The following KCNIP1 variants were observed in gnomAD, a reference collection of about 807,000 sequenced individuals.
KCNIP1 encodes the protein potassium voltage-gated channel interacting protein 1.
In KCNIP1, 18 loss-of-function variants were observed where a neutral mutation model predicts 33.0. The observed-to-expected ratio is 0.55, with a 90% confidence interval of 0.38 to 0.81. The LOEUF is 0.81. KCNIP1 is among the 30% of genes least tolerant of loss of function. The probability of loss-of-function intolerance (pLI) is 0.00; values close to 1 mark genes in which losing one functional copy is unlikely to be tolerated. For synonymous variants in KCNIP1, 93 were observed against 98.3 expected (o/e 0.95, Z 0.32); for missense variants, 238 against 271.6 (o/e 0.88, Z 0.87).
At chr5:170,467,548 C>T (rs1467714864) in intron 1 of KCNIP1, among the ~76,000 whole-genome samples, 2 of 152,198 alleles carry the variant, frequency 1.3e-5, no homozygotes, top group African/African-American at 4.8e-5. Context: ...GCCCCATCCA[C>T]GCTCAGGTTC....
chr5:170,446,428 A>G (rs1375602933), intron 1 of KCNIP1, among the ~76,000 whole-genome samples: 1 of 138,594 alleles, frequency 7.2e-6, no homozygotes, highest in African/African-American at 2.7e-5. Flanking sequence ...AAAAAAAAAA[A>G]TCACAGTGCT....
chr5:170,448,474 GGCT>G (rs1349920915), intron 1 of KCNIP1, among the ~76,000 whole-genome samples: 3 of 152,372 alleles, frequency 2.0e-5, no homozygotes, highest in African/African-American at 7.2e-5. Flanking sequence ...TTGGAGGAGT[GGCT>G]GCTTACTCCC....
chr5:170,412,524 G>T (rs1210572211), intron 1 of KCNIP1, among the ~76,000 whole-genome samples: 1 of 152,136 alleles, frequency 6.6e-6, no homozygotes, highest in East Asian at 1.9e-4. Context: ...TATTTAAAAC[G>T]TGCAAACCCT....
At chr5:170,459,966 A>G (rs1561636077) in intron 1 of KCNIP1, among the ~76,000 whole-genome samples, 1 of 152,230 alleles carries the variant, frequency 6.6e-6, no homozygotes. Flanking sequence ...ATAGGAAGAG[A>G]GAAAATCCAA....
At chr5:170,673,515 G>A (rs1440826909) in intron 1 of KCNIP1, among the ~76,000 whole-genome samples, 1 of 152,228 alleles carries the variant, frequency 6.6e-6, no homozygotes, top group African/African-American at 2.4e-5. Flanking sequence ...TAACTTTCCT[G>A]AGGCACAGGG....
chr5:170,503,028 C>T (rs73313427), upstream of KCNIP1, among the ~76,000 whole-genome samples: 360 of 152,178 alleles, frequency 2.4e-3, 3 homozygotes, highest in African/African-American at 8.2e-3. Flanking sequence ...TGCCCAGGAG[C>T]TGATGGCTAA....
In KCNIP1 at chr5:170,732,890, G is replaced by A. The variant is rs201527993; in HGVS notation, c.526G>A (p.Asp176Asn). ...LKEDTPRQHV[D>N]VFFQKMDKNK... Reference sequence around the variant, plus strand: ...AGAGGACACTCCAAGGCAGCATGTGGACGTCTTCTTCCAGGTAAGTGCACA... The same window carrying A: ...AGAGGACACTCCAAGGCAGCATGTGAACGTCTTCTTCCAGGTAAGTGCACA... Residue 176 changes from aspartate to asparagine, a missense_variant, in exon 6 of 8, where the codon GAC (aspartate) becomes AAC (asparagine). Transcript: ENST00000328939. 2.5e-5 allele frequency: 41 copies of A among 1,610,888 alleles called. No homozygotes were observed. In the East Asian group the frequency reaches 8.7e-4, roughly 34 times the overall value.
chr5:170,675,105 A>G (rs1762080034), intron 1 of KCNIP1, among the ~76,000 whole-genome samples: 1 of 151,934 alleles, frequency 6.6e-6, no homozygotes, highest in Admixed American at 6.5e-5. Flanking sequence ...GTTCTAGACC[A>G]GCCTGGGCAA....
chr5:170,365,230 C>T (rs1009043810), intron 1 of KCNIP1, among the ~76,000 whole-genome samples: 12 of 152,268 alleles, frequency 7.9e-5, no homozygotes, highest in Admixed American at 6.5e-4. Flanking sequence ...GCAAGCCAGA[C>T]GCAGAGCTGG....
chr5:170,422,434 G>C lies in KCNIP1; in HGVS notation c.88+68470G>C, dbSNP rs566571410. The C allele has an allele frequency of 3.9e-5, 6 of 152,360 alleles. No homozygotes were observed. In the South Asian group the frequency reaches 1.2e-3, roughly 32 times the overall value. The allele number at this position is 152,360 out of a possible 1,614,324, so 9.4% of individuals were successfully genotyped here. On this transcript the variant is annotated intron_variant, in intron 1 of 7. Transcript: ENST00000377360. The stretch of plus-strand genomic sequence containing the variant: ...AAGATAGATACCCAAGGACTTCAGT[G>C]ACTGGCTCAGGAAGAATTACTCAGC...
chr5:170,445,304 G>GAATGAATGAAT (rs1756087377), intron 1 of KCNIP1, among the ~76,000 whole-genome samples: 1 of 152,106 alleles, frequency 6.6e-6, no homozygotes, highest in African/African-American at 2.4e-5. Context: ...CTCATTCGTT[G>GAATGAATGAAT]AATGAATGAA....
At position 170,683,894 on chromosome 5, in the gene KCNIP1, A is replaced by ATGTGTGTGTG. The variant is rs1168722972; in HGVS notation, c.62-34832_62-34823dup. ...ATACACCACTATGCCCAGCTAGTGTATGTGTGTGTGTGTGTGTGTGTGTGT... is the reference window on the plus strand; with the variant it reads ...ATACACCACTATGCCCAGCTAGTGTATGTGTGTGTGTGTGTGTGTGTGTGTGTGTGTGTGT... On this transcript the variant is annotated intron_variant, in intron 1 of 7. Transcript: ENST00000328939. 2.4e-3 allele frequency among the ~76,000 whole-genome samples: 220 copies of ATGTGTGTGTG among 91,726 alleles called. 2 individuals carry two copies. The highest frequency in any genetic ancestry group is 0.014 in the Middle Eastern group (2 of 148). The allele number at this position is 91,726 out of a possible 152,430, so 60.2% of individuals were successfully genotyped here.
chr5:170,592,832 T>C (rs1181729183), intron 1 of KCNIP1, among the ~76,000 whole-genome samples: 2 of 152,218 alleles, frequency 1.3e-5, no homozygotes, highest in Non-Finnish European at 2.9e-5. Context: ...GGCTAGCATG[T>C]GGCAGGTGCT....
chr5:170,505,648 G>A (rs1754689155), intron 1 of KCNIP1, among the ~76,000 whole-genome samples: 1 of 152,126 alleles, frequency 6.6e-6, no homozygotes, highest in African/African-American at 2.4e-5. Context: ...GACCCCAAGT[G>A]AACAATAAGT....
chr5:170,528,195 A>G (rs1189778544), intron 1 of KCNIP1, among the ~76,000 whole-genome samples: 1 of 152,162 alleles, frequency 6.6e-6, no homozygotes, highest in Non-Finnish European at 1.5e-5. Context: ...GCTCTGGCTC[A>G]CTGGGCCCTG....
intron 1 of KCNIP1, among the ~76,000 whole-genome samples, chr5:170,619,579 T>C: frequency 6.6e-6 from 1 of 152,152 alleles, no homozygotes; most frequent in East Asian, 1.9e-4. Flanking sequence ...GAAGCCTGGA[T>C]GAAGGTGCCC....
intron 1 of KCNIP1, among the ~76,000 whole-genome samples, chr5:170,446,496 T>C (rs1756120107): frequency 6.6e-6 from 1 of 152,058 alleles, no homozygotes; most frequent in African/African-American, 2.4e-5. Context: ...AGGGTCTTGC[T>C]CTGTTGCCCA....
intron 1 of KCNIP1, among the ~76,000 whole-genome samples, chr5:170,392,273 T>G (rs1224813083): frequency 6.6e-6 from 1 of 152,104 alleles, no homozygotes. Flanking sequence ...CCTCAGAGAA[T>G]GTGGAGCAGA....
At chr5:170,463,584 T>A (rs1581215686) in intron 1 of KCNIP1, among the ~76,000 whole-genome samples, 2 of 152,254 alleles carry the variant, frequency 1.3e-5, no homozygotes, top group South Asian at 4.1e-4. Context: ...GATCATCTTA[T>A]TAGACACAGA....
Sources: allele counts gnomAD v4.1 joint callset (sites outside exome capture counted in the v4.1 genomes callset), GRCh38; gene constraint gnomAD v4.1.1; transcripts MANE v1.5; gene names NCBI Gene and HGNC (gene_info 2026-07-23, HGNC 2026-07-21).